CBFB: variants seen among roughly 807,000 people sequenced by gnomAD.
CBFB encodes CBF-beta.
In CBFB, 9 loss-of-function variants were observed where a neutral mutation model predicts 30.4. The observed-to-expected ratio is 0.30, with a 90% CI of 0.18 to 0.52. CBFB has a LOEUF of 0.52. Among genes scored for constraint, CBFB ranks in the 20% least tolerant of loss-of-function variants. The probability of loss-of-function intolerance (pLI) is 0.97; values close to 1 mark genes in which losing one functional copy is unlikely to be tolerated. For synonymous variants in CBFB, 94 were observed against 84.0 expected (o/e 1.12, Z -0.65); for missense variants, 170 against 244.0 (o/e 0.70, Z 2.02).
chr16:67,042,697 C>T (rs1483495588), intron 3 of CBFB, among the ~76,000 whole-genome samples: 1 of 152,168 alleles, frequency 6.6e-6, no homozygotes, highest in Non-Finnish European at 1.5e-5. Context: ...AGTCATGCTT[C>T]TCCATAGAGA....
intron 3 of CBFB, among the ~76,000 whole-genome samples, chr16:67,048,203 C>T (rs952400411): frequency 7.9e-5 from 12 of 152,114 alleles, no homozygotes; most frequent in African/African-American, 2.7e-4. Flanking sequence ...GATCGCACCA[C>T]GGCACTCCAG....
At chr16:67,084,364 A>G (rs1961658131) in intron 5 of CBFB, among the ~76,000 whole-genome samples, 1 of 152,136 alleles carries the variant, frequency 6.6e-6, no homozygotes, top group African/African-American at 2.4e-5. Flanking sequence ...ACACATTAAA[A>G]TATAATTATA....
rs567487396 is a variant in CBFB, at chr16:67,051,905, A to G, written c.283-14777A>G. Among the ~76,000 whole-genome samples, 185 of 138,606 alleles carry G rather than the reference A, an allele frequency of 1.3e-3. 1 individual carries two copies. The highest frequency in any genetic ancestry group is 3.1e-3 in the Admixed American group (45 of 14,364). The allele number at this position is 138,606 out of a possible 152,430, so 90.9% of individuals were successfully genotyped here. A position where few individuals can be genotyped will look rare whatever the true frequency, so the allele number is the denominator to read the frequency against. ...GCTGGGATTACAGGCATATATATAT[A>G]TGTGTATACACACACACACACACAC... is the stretch of plus-strand genomic sequence containing the variant. On this transcript the variant is annotated intron_variant, in intron 3 of 5. Coordinates refer to ENST00000412916, the MANE Select transcript of CBFB (RefSeq NM_022845.3).
chr16:67,098,897 C>A lies in CBFB; in HGVS notation c.*119C>A. 1 of 673,232 alleles carries A rather than the reference C, an allele frequency of 1.5e-6. No homozygotes were observed. 41.7% of individuals were successfully genotyped at this position (673,232 alleles called of 1,614,324 possible). The stretch of plus-strand genomic sequence containing the variant: ...ACTGGAGGTACTACGGTCTATTTCT[C>A]AACCTTAGGCAGTAATAGACATCAC... On this transcript the variant is annotated 3_prime_UTR_variant, in exon 6 of 6. Transcript: ENST00000412916.
In CBFB at chr16:67,053,805, T is replaced by C. The variant is rs532696676; in HGVS notation, c.283-12877T>C. ...AGAGGGAGTTAGCTGCTCTGGTATT[T>C]TCTGCTTCTAGGCTCACCATGACCT... On this transcript the variant is annotated intron_variant, in intron 3 of 5. Coordinates refer to ENST00000412916, the MANE Select transcript of CBFB (RefSeq NM_022845.3). Among the ~76,000 whole-genome samples, 25 of 151,964 alleles carry C rather than the reference T, an allele frequency of 1.6e-4. No individual in the cohort carries two copies. The South Asian group carries it at 2.5e-3, about 15-fold the overall frequency.
intron 5 of CBFB, among the ~76,000 whole-genome samples, chr16:67,096,011 C>G (rs1470122860): frequency 4.6e-5 from 7 of 150,814 alleles, no homozygotes; most frequent in Admixed American, 4.6e-4. Flanking sequence ...CTCTTTAAAA[C>G]AAAATGAGTT....
chr16:67,038,996 A>G (rs1449725322), intron 3 of CBFB, among the ~76,000 whole-genome samples: 2 of 152,226 alleles, frequency 1.3e-5, no homozygotes, highest in African/African-American at 2.4e-5. Flanking sequence ...AGATGTTTTT[A>G]GTTATATGAC....
chr16:67,050,140 A>G (rs573740953), intron 3 of CBFB, among the ~76,000 whole-genome samples: 2 of 148,892 alleles, frequency 1.3e-5, no homozygotes, highest in African/African-American at 4.9e-5. Flanking sequence ...AAGTTACTCT[A>G]CTGATATATA....
At chr16:67,084,372 A>G (rs1961658454) in intron 5 of CBFB, among the ~76,000 whole-genome samples, 1 of 152,022 alleles carries the variant, frequency 6.6e-6, no homozygotes, top group Non-Finnish European at 1.5e-5. Context: ...AAATATAATT[A>G]TAATATATCA....
intron 5 of CBFB, among the ~76,000 whole-genome samples, chr16:67,085,969 T>C (rs970747930): frequency 4.4e-4 from 67 of 152,316 alleles, no homozygotes; most frequent in Non-Finnish European, 7.4e-4. Flanking sequence ...TGAGCCACTG[T>C]GCCCGGCTTA....
chr16:67,050,358 C>T (rs1966718488), intron 3 of CBFB, among the ~76,000 whole-genome samples: 2 of 150,410 alleles, frequency 1.3e-5, no homozygotes, highest in South Asian at 2.1e-4. Context: ...CGTTCTAAGA[C>T]TTTCAGGGAT....
At chr16:67,062,806 A>AT (rs1007531952) in intron 3 of CBFB, among the ~76,000 whole-genome samples, 17 of 151,930 alleles carry the variant, frequency 1.1e-4, no homozygotes, top group African/African-American at 4.1e-4. Context: ...AATAATAATA[A>AT]TTTTTTTAAA....
intron 5 of CBFB, among the ~76,000 whole-genome samples, chr16:67,091,509 A>C (rs1436734590): frequency 6.6e-6 from 1 of 152,220 alleles, no homozygotes; most frequent in Non-Finnish European, 1.5e-5. Flanking sequence ...AACTTGCCTA[A>C]GGTGACATAG....
intron 3 of CBFB, among the ~76,000 whole-genome samples, chr16:67,043,409 C>G (rs1338531460): frequency 1.3e-5 from 2 of 152,144 alleles, no homozygotes; most frequent in African/African-American, 4.8e-5. Context: ...AGAATATTTT[C>G]AAATCAAGGG....
intron 4 of CBFB, 144 bp from the exon 5 acceptor site, chr16:67,082,069 T>G (rs1282238564): frequency 2.2e-6 from 1 of 448,924 alleles, no homozygotes; most frequent in Admixed American, 3.7e-5. Context: ...TCTGCCCGCC[T>G]CGGCCTCCCA....
intron 3 of CBFB, among the ~76,000 whole-genome samples, chr16:67,055,878 A>G (rs568591558): frequency 2.0e-5 from 3 of 152,276 alleles, no homozygotes; most frequent in South Asian, 2.1e-4. Context: ...CTAAAGGAGG[A>G]TGAGTCAGAA....
At chr16:67,053,758 G>A (rs919759073) in intron 3 of CBFB, among the ~76,000 whole-genome samples, 3 of 151,910 alleles carry the variant, frequency 2.0e-5, no homozygotes, top group African/African-American at 2.4e-5. Context: ...ACCGTGTGCC[G>A]GAGATGTGGA....
chr16:67,075,137 C>T (rs1280296082), intron 4 of CBFB, among the ~76,000 whole-genome samples: 1 of 151,336 alleles, frequency 6.6e-6, no homozygotes, highest in Admixed American at 6.6e-5. Context: ...TTTCAGTGAG[C>T]CGAGATCACG....
At chr16:67,077,411 G>A (rs1961431178) in intron 4 of CBFB, among the ~76,000 whole-genome samples, 1 of 152,160 alleles carries the variant, frequency 6.6e-6, no homozygotes, top group Non-Finnish European at 1.5e-5. Flanking sequence ...TTTTACATAT[G>A]CACAAAAACG....
Sources: gnomAD v4.1 joint callset for allele counts (sites outside exome capture counted in the v4.1 genomes callset) on GRCh38, gnomAD v4.1.1 for gene constraint, MANE v1.5 for transcripts, NCBI Gene and HGNC (gene_info 2026-07-23, HGNC 2026-07-21) for gene names.